The following BRIP1 variants were observed in gnomAD, a reference collection of about 807,000 sequenced individuals.
BRIP1 encodes the protein Fanconi anemia group J protein.
BRIP1 carries 88 observed loss-of-function variants against 119.7 expected under a neutral mutation model. The ratio of observed to expected loss-of-function variants is 0.74; its 90% CI spans 0.62 to 0.88. The LOEUF is 0.88. Among genes scored for constraint, BRIP1 ranks in the 40% least tolerant of loss-of-function variants. The pLI is 0.00. For missense variants in BRIP1, 1,259 were observed against 1,455.4 expected (o/e 0.87, Z 2.20); for synonymous variants, 443 against 496.5 (o/e 0.89, Z 1.43).
At chr17:61,718,165 CTTCTT>C (rs1322483267) in intron 16 of BRIP1, among the ~76,000 whole-genome samples, 2 of 152,162 alleles carry the variant, frequency 1.3e-5, no homozygotes, top group African/African-American at 4.8e-5. Flanking sequence ...GTTAAATTCT[CTTCTT>C]TGCATGCCTG....
In BRIP1 at chr17:61,742,346, C is replaced by G. The variant is rs1340601763; in HGVS notation, c.2379+667G>C. Among the ~76,000 whole-genome samples, 1 of 152,202 alleles carries G rather than the reference C, an allele frequency of 6.6e-6. No homozygotes were observed. Among genetic ancestry groups the G allele is most frequent in the Non-Finnish European group, 1.5e-5 (1 of 68,034 alleles). ...ACTGTTTGCTTATTATTTGTACATT[C>G]ACTGGAGTAACACTTTTAATTCCTT... On this transcript the variant is annotated intron_variant, in intron 16 of 19. Transcript: ENST00000259008. The surrounding 1 kb of genome is among the most constrained non-coding windows in gnomAD (Gnocchi z 4.7).
rs1426557653 is a variant in BRIP1, at chr17:61,853,208, GAC to G, written c.379+3848_379+3849del. On this transcript the variant is annotated intron_variant, in intron 4 of 19. Coordinates refer to ENST00000259008, the MANE Select transcript of BRIP1 (RefSeq NM_032043.3). The surrounding 1 kb of genome is among the most constrained non-coding windows in gnomAD (Gnocchi z 4.3). ...CAAATACAATATTAAGCAGAAGACA[GAC>G]ACAAGATTACATATATAATTCCATT... Among the ~76,000 whole-genome samples, 1 of 150,990 alleles carries G rather than the reference GAC, an allele frequency of 6.6e-6. No individual in the cohort carries two copies. Among genetic ancestry groups the G allele is most frequent in the Non-Finnish European group, 1.5e-5 (1 of 67,868 alleles).
In BRIP1 at chr17:61,780,734, C is replaced by G. The variant is rs2077604197; in HGVS notation, c.1794+106G>C. On this transcript the variant is annotated intron_variant, in intron 12 of 19. Coordinates refer to ENST00000259008, the MANE Select transcript of BRIP1 (RefSeq NM_032043.3). This position sits in a 1 kb window ranked among gnomAD's most constrained non-coding sequence, Gnocchi z 5.4. ...AGAGCAAGACCCTGCCTCAAAACAACAACAACAACAACAACAAACAACTAT... is the reference window on the plus strand; with the variant it reads ...AGAGCAAGACCCTGCCTCAAAACAAGAACAACAACAACAACAAACAACTAT... 1 of 1,356,220 alleles carries G rather than the reference C, an allele frequency of 7.4e-7. No individual in the cohort carries two copies. Among genetic ancestry groups the G allele is most frequent in the East Asian group, 2.3e-5 (1 of 43,386 alleles). 84.0% of individuals were successfully genotyped at this position (1,356,220 alleles called of 1,614,324 possible). A position where few individuals can be genotyped will look rare whatever the true frequency, so the allele number is the denominator to read the frequency against.
chr17:61,683,605 A>G lies in BRIP1; in HGVS notation c.3441T>C (p.Asn1147=). The G allele has an allele frequency of 6.2e-7, 1 of 1,611,946 alleles. No homozygotes were observed. The highest frequency in any genetic ancestry group is 8.5e-7 in the Non-Finnish European group (1 of 1,179,772). ...TTCCTCTATCAGTTTCAGCTAGGTCATTTTTTTCTTCATCTGTATCTTCAG... is the reference window on the plus strand; with the variant it reads ...TTCCTCTATCAGTTTCAGCTAGGTCGTTTTTTTCTTCATCTGTATCTTCAG... The part of the protein sequence containing the change: ...YDPEDTDEEK[N]DLAETDRGNR... Residue 1147 remains asparagine, a synonymous_variant, in exon 20 of 20, where the codon AAT becomes AAC. Coordinates refer to ENST00000259008, the MANE Select transcript of BRIP1 (RefSeq NM_032043.3). This position sits in a 1 kb window ranked among gnomAD's most constrained non-coding sequence, Gnocchi z 4.7.
In BRIP1 at chr17:61,689,327, T is replaced by C. The variant is rs1215147898; in HGVS notation, c.2576-3162A>G. Among the ~76,000 whole-genome samples, 1 of 151,840 alleles carries C rather than the reference T, an allele frequency of 6.6e-6. No individual in the cohort carries two copies. The highest frequency in any genetic ancestry group is 1.5e-5 in the Non-Finnish European group (1 of 67,966). Reference sequence around the variant, plus strand: ...CCAAAGTGCTAAGAATCAGGAAATTTGAAGGCAAGTCGTTTGAAATCATCC... The same window carrying C: ...CCAAAGTGCTAAGAATCAGGAAATTCGAAGGCAAGTCGTTTGAAATCATCC... On this transcript the variant is annotated intron_variant, in intron 18 of 19. Transcript: ENST00000259008. This position sits in a 1 kb window ranked among gnomAD's most constrained non-coding sequence, Gnocchi z 4.5.
intron 6 of BRIP1, among the ~76,000 whole-genome samples, chr17:61,821,389 G>A (rs1320000745): frequency 6.7e-6 from 1 of 150,242 alleles, no homozygotes; most frequent in Non-Finnish European, 1.5e-5. Context: ...GTTACTTGGG[G>A]GTGGAGAGGT....
rs887441423 is a variant in BRIP1 at position 61,689,797 on chromosome 17, G to A, written c.2576-3632C>T. On this transcript the variant is annotated intron_variant, in intron 18 of 19. Transcript: ENST00000259008. This position sits in a 1 kb window ranked among gnomAD's most constrained non-coding sequence, Gnocchi z 4.5. ...AGGCAGAGGTAGGAGAATTGCTTGAGCCGAGGAGTTTGAGATTAGCCTGGG... is the reference window on the plus strand; with the variant it reads ...AGGCAGAGGTAGGAGAATTGCTTGAACCGAGGAGTTTGAGATTAGCCTGGG... 5.3e-5 allele frequency among the ~76,000 whole-genome samples: 8 copies of A among 152,170 alleles called. No homozygotes were observed. Among genetic ancestry groups the A allele is most frequent in the Non-Finnish European group, 2.9e-5 (2 of 68,028 alleles).
chr17:61,863,063 C>T (rs982066660), intron 1 of BRIP1, among the ~76,000 whole-genome samples: 12 of 152,268 alleles, frequency 7.9e-5, no homozygotes, highest in African/African-American at 2.6e-4. Flanking sequence ...AAACACACCC[C>T]TCTGCCTCCC....
At chr17:61,835,765 T>C (rs1485190867) in intron 6 of BRIP1, among the ~76,000 whole-genome samples, 5 of 151,688 alleles carry the variant, frequency 3.3e-5, no homozygotes, top group African/African-American at 1.2e-4. Flanking sequence ...ATTTAGTACA[T>C]GATAACAGCA....
chr17:61,786,189 T>C (rs1441431491), intron 10 of BRIP1, among the ~76,000 whole-genome samples: 2 of 151,698 alleles, frequency 1.3e-5, no homozygotes, highest in African/African-American at 4.8e-5. Flanking sequence ...AGAGAGCGCA[T>C]GAGTGAGCGT....
At chr17:61,782,632 A>C (rs577848107) in intron 11 of BRIP1, among the ~76,000 whole-genome samples, 4 of 152,144 alleles carry the variant, frequency 2.6e-5, no homozygotes. Context: ...TGACATCCAG[A>C]ATATCTAAAT....
At position 61,704,726 on chromosome 17, in the gene BRIP1, A is replaced by C. The variant is rs1274683388; in HGVS notation, c.2493-11214T>G. On this transcript the variant is annotated intron_variant, in intron 17 of 19. Transcript: ENST00000259008. This position sits in a 1 kb window ranked among gnomAD's most constrained non-coding sequence, Gnocchi z 5.7. Reference sequence around the variant, plus strand: ...GGGTTTTGTGGAATTAATCTACTTCATCTAAGTTATCAAATGTATATGTAT... The same window carrying C: ...GGGTTTTGTGGAATTAATCTACTTCCTCTAAGTTATCAAATGTATATGTAT... 2.0e-5 allele frequency among the ~76,000 whole-genome samples: 3 copies of C among 152,122 alleles called. No homozygotes were observed. Among genetic ancestry groups the C allele is most frequent in the African/African-American group, 7.2e-5 (3 of 41,428 alleles).
At chr17:61,792,175 G>T (rs1201383789) in intron 10 of BRIP1, among the ~76,000 whole-genome samples, 1 of 152,124 alleles carries the variant, frequency 6.6e-6, no homozygotes, top group Non-Finnish European at 1.5e-5. Context: ...CAAATTCCTG[G>T]GTTCAAGCAA....
chr17:61,806,033 G>A lies in BRIP1; in HGVS notation c.918+2434C>T, dbSNP rs1302606127. Among the ~76,000 whole-genome samples, 1 of 152,084 alleles carries A rather than the reference G, an allele frequency of 6.6e-6. No homozygotes were observed. The highest frequency in any genetic ancestry group is 2.4e-5 in the African/African-American group (1 of 41,398). On this transcript the variant is annotated intron_variant, in intron 7 of 19. Coordinates refer to ENST00000259008, the MANE Select transcript of BRIP1 (RefSeq NM_032043.3). This position sits in a 1 kb window ranked among gnomAD's most constrained non-coding sequence, Gnocchi z 4.9. ...CCAGTATAAGGGCACTTTAGTAAAA[G>A]AAACAATGAACAAAAACACATGTGC...
rs1164240721 is a variant in BRIP1 at position 61,708,507 on chromosome 17, C to T, written c.2492+7444G>A. On this transcript the variant is annotated intron_variant, in intron 17 of 19. Coordinates refer to ENST00000259008, the MANE Select transcript of BRIP1 (RefSeq NM_032043.3). The surrounding 1 kb of genome is among the most constrained non-coding windows in gnomAD (Gnocchi z 4.4). ...TCTATCTTCTGTGGATAAGGAGAGA[C>T]TACTGTACTGTCTGGCCCTTTATAG... Among the ~76,000 whole-genome samples, 1 of 152,190 alleles carries T rather than the reference C, an allele frequency of 6.6e-6. No individual in the cohort carries two copies. Among genetic ancestry groups the T allele is most frequent in the Non-Finnish European group, 1.5e-5 (1 of 68,032 alleles).
In BRIP1 at chr17:61,796,376, T is replaced by C. The variant is rs182695622; in HGVS notation, c.1341-2647A>G. Among the ~76,000 whole-genome samples, 117 of 152,276 alleles carry C rather than the reference T, an allele frequency of 7.7e-4. No individual in the cohort carries two copies. The highest frequency in any genetic ancestry group is 2.5e-3 in the African/African-American group (106 of 41,578). ...TTTCCAATGTTTTCTGGTAGTAGTT[T>C]CATAGTTTGAGGTTGTAGATTTAAG... On this transcript the variant is annotated intron_variant, in intron 9 of 19. Coordinates refer to ENST00000259008, the MANE Select transcript of BRIP1 (RefSeq NM_032043.3). The surrounding 1 kb of genome is among the most constrained non-coding windows in gnomAD (Gnocchi z 4.8).
intron 6 of BRIP1, among the ~76,000 whole-genome samples, chr17:61,826,479 T>A (rs1228225727): frequency 2.6e-5 from 4 of 151,574 alleles, no homozygotes; most frequent in African/African-American, 9.7e-5. Context: ...TGGGAGAAAA[T>A]TTTTTGCAAA....
chr17:61,841,441 A>C lies in BRIP1; in HGVS notation c.627+5660T>G, dbSNP rs971971587. ...GATACATAAAGCCAACAAGAACATG[A>C]AAAAATGCTGAACATCACTAATCAT... On this transcript the variant is annotated intron_variant, in intron 6 of 19. Coordinates refer to ENST00000259008, the MANE Select transcript of BRIP1 (RefSeq NM_032043.3). This position sits in a 1 kb window ranked among gnomAD's most constrained non-coding sequence, Gnocchi z 4.1. Among the ~76,000 whole-genome samples, 2 of 152,210 alleles carry C rather than the reference A, an allele frequency of 1.3e-5. No homozygotes were observed. The highest frequency in any genetic ancestry group is 2.9e-5 in the Non-Finnish European group (2 of 68,030).
At chr17:61,698,629 T>C (rs1295838993) in intron 17 of BRIP1, among the ~76,000 whole-genome samples, 3 of 152,218 alleles carry the variant, frequency 2.0e-5, no homozygotes, top group Admixed American at 2.0e-4. Context: ...TTTCTGATGC[T>C]TTTTGCTAGA....
Sources: allele counts gnomAD v4.1 joint callset (sites outside exome capture counted in the v4.1 genomes callset), GRCh38; gene constraint gnomAD v4.1.1; non-coding constraint Gnocchi (gnomAD v3.1); transcripts MANE v1.5; gene names NCBI Gene and HGNC (gene_info 2026-07-23, HGNC 2026-07-21).